The following RIPOR2 variants were observed in gnomAD, a reference collection of about 807,000 sequenced individuals.
RIPOR2 encodes rho family-interacting cell polarization regulator 2.
In RIPOR2, 39 loss-of-function variants were observed where a neutral mutation model predicts 114.5. That is an observed-to-expected ratio of 0.34 (90% confidence interval 0.26 to 0.44). The LOEUF is 0.44. Ranked by LOEUF, RIPOR2 falls within the 20% of genes least tolerant of loss-of-function variation. The pLI, the probability that RIPOR2 is intolerant of heterozygous loss-of-function variation, is 1.00. For synonymous variants in RIPOR2, 445 were observed against 484.4 expected (o/e 0.92, Z 1.07); for missense variants, 1,007 against 1,255.1 (o/e 0.80, Z 2.99).
upstream of RIPOR2, among the ~76,000 whole-genome samples, chr6:24,938,308 T>A (rs1049400197): frequency 6.6e-6 from 1 of 152,046 alleles, no homozygotes; most frequent in African/African-American, 2.4e-5. Flanking sequence ...TAAACCACCA[T>A]GAGCTAGGGG....
At chr6:24,885,325 C>T (rs181878206) in intron 1 of RIPOR2, among the ~76,000 whole-genome samples, 5 of 152,118 alleles carry the variant, frequency 3.3e-5, no homozygotes, top group African/African-American at 4.8e-5. Flanking sequence ...TGGGCTCAAG[C>T]GATCCTCCTG....
At chr6:24,976,548 A>T in intron 1 of RIPOR2, 1 of 1,595,462 alleles carries the variant, frequency 6.3e-7, no homozygotes, top group Non-Finnish European at 8.6e-7. Flanking sequence ...ATGTTAACAG[A>T]TTGGAGCTGT....
At chr6:24,835,904 T>C in intron 14 of RIPOR2, 33 bp from the exon 15 acceptor site, 1 of 1,548,826 alleles carries the variant, frequency 6.5e-7, no homozygotes, top group Non-Finnish European at 8.7e-7. Flanking sequence ...TAGCTATTCT[T>C]TTTCTGTGCA....
intron 19 of RIPOR2, among the ~76,000 whole-genome samples, chr6:24,824,991 C>CAT (rs1237951495): frequency 1.3e-5 from 2 of 151,940 alleles, no homozygotes; most frequent in East Asian, 3.9e-4. Flanking sequence ...TGTATGTTAG[C>CAT]ATATATATAG....
At chr6:25,038,225 T>G (rs1004181638) in intron 1 of RIPOR2, among the ~76,000 whole-genome samples, 3 of 152,266 alleles carry the variant, frequency 2.0e-5, no homozygotes, top group Admixed American at 6.5e-5. Flanking sequence ...ATCGAAGTTC[T>G]ATTGCAAAGA....
At chr6:24,823,218 G>A (rs1759856178) in intron 19 of RIPOR2, among the ~76,000 whole-genome samples, 1 of 152,146 alleles carries the variant, frequency 6.6e-6, no homozygotes, top group South Asian at 2.1e-4. Flanking sequence ...TTAGTGCTTT[G>A]CATCTAGTTT....
intron 1 of RIPOR2, among the ~76,000 whole-genome samples, chr6:24,969,474 G>T (rs1405386892): frequency 3.3e-5 from 5 of 152,202 alleles, no homozygotes; most frequent in African/African-American, 9.7e-5. Context: ...ATAACCCAAA[G>T]AAGCTCTTTG....
chr6:24,847,697 G>A lies in RIPOR2; in HGVS notation c.1164+328C>T. On this transcript the variant is annotated intron_variant, in intron 12 of 21. Transcript: ENST00000643898. ...GGGGAAGGATGCAGCCACCTCTTCA[G>A]AAGTGAAAGCAAGATGGGGGAGTTA... The A allele has an allele frequency of 6.5e-7, 1 of 1,546,324 alleles. No individual in the cohort carries two copies. The highest frequency in any genetic ancestry group is 8.8e-7 in the Non-Finnish European group (1 of 1,142,504).
At chr6:24,925,562 C>T (rs1372666775) in intron 1 of RIPOR2, among the ~76,000 whole-genome samples, 2 of 152,064 alleles carry the variant, frequency 1.3e-5, no homozygotes, top group African/African-American at 4.8e-5. Context: ...ATTAGCTGGG[C>T]GTGGTGGCAC....
chr6:25,022,532 A>ATTTTTTTTTTTTTTTTT lies in RIPOR2; in HGVS notation c.76+19302_76+19318dup, dbSNP rs10564019. ...ACATATAACTAATGTGGTACCTTCCATTTTTTTTTTTTTTTTTTTTTTTTT... is the reference window on the plus strand; with the variant it reads ...ACATATAACTAATGTGGTACCTTCCATTTTTTTTTTTTTTTTTTTTTTTTTTTTTTTTTTTTTTTTTT... On this transcript the variant is annotated intron_variant, in intron 1 of 13. Coordinates refer to the RIPOR2 transcript ENST00000510784. Among the ~76,000 whole-genome samples the ATTTTTTTTTTTTTTTTT allele has an allele frequency of 1.5e-3, 61 of 40,978 alleles. 5 individuals are homozygous for ATTTTTTTTTTTTTTTTT. The highest frequency in any genetic ancestry group is 3.8e-3 in the South Asian group (3 of 790). 26.9% of individuals were successfully genotyped at this position (40,978 alleles called of 152,430 possible).
In RIPOR2 at chr6:24,999,639, T is replaced by C. The variant is rs1027673142; in HGVS notation, c.76+42212A>G. Among the ~76,000 whole-genome samples, 3 of 150,904 alleles carry C rather than the reference T, an allele frequency of 2.0e-5. No homozygotes were observed. The South Asian group carries it at 6.3e-4, about 32-fold the overall frequency. On this transcript the variant is annotated intron_variant, in intron 1 of 13. Transcript: ENST00000510784. ...GGCATGATCTCGGCTCACTGCAAGC[T>C]CCACCTCCCGGGTTCACGCCATTCT...
rs1581545672 is a variant in RIPOR2, at chr6:24,839,768, C to T, written c.1858-496G>A. 8 of 1,416,496 alleles carry T rather than the reference C, an allele frequency of 5.6e-6. No homozygotes were observed. The African/African-American group carries it at 5.9e-5, about 10-fold the overall frequency. The allele number at this position is 1,416,496 out of a possible 1,614,324, so 87.7% of individuals were successfully genotyped here. A position where few individuals can be genotyped will look rare whatever the true frequency, so the allele number is the denominator to read the frequency against. ...CAAATTTTAAGTCAGTGAGTCAATGCTGAATACTGACCAATCTCTAATTCC... is the reference window on the plus strand; with the variant it reads ...CAAATTTTAAGTCAGTGAGTCAATGTTGAATACTGACCAATCTCTAATTCC... On this transcript the variant is annotated intron_variant, in intron 13 of 21. Transcript: ENST00000643898.
At chr6:24,976,144 G>T (rs1255222353) in intron 1 of RIPOR2, among the ~76,000 whole-genome samples, 1 of 151,978 alleles carries the variant, frequency 6.6e-6, no homozygotes, top group Non-Finnish European at 1.5e-5. Flanking sequence ...CCTTTTGGTG[G>T]AATAATTTTA....
In RIPOR2 at chr6:24,883,999, A is replaced by G. The variant is rs1412715405; in HGVS notation, c.62-8182T>C. The stretch of plus-strand genomic sequence containing the variant: ...ATTATTTAAGATGAAAACTAAAGAT[A>G]CACGTCTGCTTATTATATGGTTACA... On this transcript the variant is annotated intron_variant, in intron 1 of 21. Transcript: ENST00000643898. The surrounding 1 kb of genome is among the most constrained non-coding windows in gnomAD (Gnocchi z 4.1). Among the ~76,000 whole-genome samples the G allele has an allele frequency of 1.3e-5, 2 of 152,258 alleles. No homozygotes were observed. Among genetic ancestry groups the G allele is most frequent in the Non-Finnish European group, 2.9e-5 (2 of 68,048 alleles).
chr6:24,892,662 G>T (rs1007693297), intron 1 of RIPOR2, among the ~76,000 whole-genome samples: 1 of 152,152 alleles, frequency 6.6e-6, no homozygotes, highest in African/African-American at 2.4e-5. Context: ...GACAGCCTGG[G>T]AGAAATAAAG....
intron 1 of RIPOR2, among the ~76,000 whole-genome samples, chr6:24,876,099 T>C (rs1765711739): frequency 6.6e-6 from 1 of 152,142 alleles, no homozygotes; most frequent in Non-Finnish European, 1.5e-5. Context: ...AAGACCAGCC[T>C]GGGCAACCTG....
At chr6:24,934,855 G>A (rs967766383) in intron 1 of RIPOR2, among the ~76,000 whole-genome samples, 1 of 152,142 alleles carries the variant, frequency 6.6e-6, no homozygotes, top group African/African-American at 2.4e-5. Context: ...CAGTGGATAG[G>A]TCAAGTCATG....
At chr6:24,889,179 T>A (rs1044334762) in intron 1 of RIPOR2, among the ~76,000 whole-genome samples, 1 of 152,204 alleles carries the variant, frequency 6.6e-6, no homozygotes, top group Non-Finnish European at 1.5e-5. Flanking sequence ...ACACCTGGAC[T>A]GCTTTCTCTG....
chr6:24,831,995 G>A (rs941819970), intron 16 of RIPOR2, among the ~76,000 whole-genome samples: 1 of 152,220 alleles, frequency 6.6e-6, no homozygotes, highest in African/African-American at 2.4e-5. Flanking sequence ...AACTCTGCCT[G>A]TGAAGTGGAT....
Sources: allele counts gnomAD v4.1 joint callset (sites outside exome capture counted in the v4.1 genomes callset), GRCh38; gene constraint gnomAD v4.1.1; non-coding constraint Gnocchi (gnomAD v3.1); transcripts MANE v1.5; gene names NCBI Gene and HGNC (gene_info 2026-07-23, HGNC 2026-07-21).